CACNA2D3: variants seen among roughly 807,000 people sequenced by gnomAD.
The protein encoded by CACNA2D3 is calcium voltage-gated channel auxiliary subunit alpha2delta 3, also known as voltage-dependent calcium channel subunit alpha-2/delta-3.
Under a neutral mutation model 160.6 loss-of-function variants are expected in CACNA2D3, and 60 were observed. The ratio of observed to expected loss-of-function variants is 0.37; its 90% CI spans 0.30 to 0.46. The LOEUF (loss-of-function observed/expected upper bound fraction) is 0.46, where lower values mean the gene tolerates loss of function less well. Among genes scored for constraint, CACNA2D3 ranks in the 20% least tolerant of loss-of-function variants. CACNA2D3 has a pLI of 1.00. For synonymous variants in CACNA2D3, 558 were observed against 492.9 expected (o/e 1.13, Z -1.75); for missense variants, 1,205 against 1,365.0 (o/e 0.88, Z 1.85).
At chr3:54,872,914 G>A (rs367945034) in intron 18 of CACNA2D3, among the ~76,000 whole-genome samples, 9 of 151,978 alleles carry the variant, frequency 5.9e-5, no homozygotes, top group African/African-American at 1.4e-4. Flanking sequence ...ACAAGGATCC[G>A]GTCAGTTCTT....
In CACNA2D3 at chr3:54,956,500, C is replaced by T. The variant is rs554629543; in HGVS notation, c.2450-11950C>T. 3.0e-3 allele frequency among the ~76,000 whole-genome samples: 463 copies of T among 152,284 alleles called. 3 individuals carry two copies. Among genetic ancestry groups the T allele is most frequent in the African/African-American group, 0.01 (434 of 41,556 alleles). On this transcript the variant is annotated intron_variant, in intron 27 of 37. Coordinates refer to ENST00000474759, the MANE Select transcript of CACNA2D3 (RefSeq NM_018398.3). ...ACTTGCATGGGCCACATGGTCTTAA[C>T]GTTCTCAGTCTTTTCAAACTCGTTA...
At chr3:54,400,255 G>A (rs552772972) in intron 4 of CACNA2D3, among the ~76,000 whole-genome samples, 26 of 151,170 alleles carry the variant, frequency 1.7e-4, no homozygotes, top group African/African-American at 5.8e-4. Context: ...GAAATCACCC[G>A]TCTTCTGTGT....
chr3:55,017,810 C>T (rs17707679), intron 34 of CACNA2D3, among the ~76,000 whole-genome samples: 17,477 of 152,186 alleles, frequency 0.11, 1,151 homozygotes, highest in African/African-American at 0.17. Context: ...TATAATAAAA[C>T]CATGCAATTG....
intron 5 of CACNA2D3, among the ~76,000 whole-genome samples, chr3:54,530,074 C>G (rs1316543867): frequency 6.6e-6 from 1 of 152,168 alleles, no homozygotes; most frequent in Non-Finnish European, 1.5e-5. Flanking sequence ...GTGCCCAGGT[C>G]AAAGTCGTGG....
At chr3:54,480,883 A>C (rs887743372) in intron 4 of CACNA2D3, among the ~76,000 whole-genome samples, 4 of 152,200 alleles carry the variant, frequency 2.6e-5, no homozygotes, top group African/African-American at 9.6e-5. Context: ...GAGGTCTAGA[A>C]AGTTGAAGAT....
chr3:54,184,829 A>G (rs1187003454), intron 2 of CACNA2D3, among the ~76,000 whole-genome samples: 1 of 152,228 alleles, frequency 6.6e-6, no homozygotes, highest in Non-Finnish European at 1.5e-5. Context: ...TGGAGCAAAC[A>G]ATGGAATGTT....
intron 11 of CACNA2D3, among the ~76,000 whole-genome samples, chr3:54,734,320 G>A (rs1441420096): frequency 6.6e-6 from 1 of 152,192 alleles, no homozygotes; most frequent in Non-Finnish European, 1.5e-5. Flanking sequence ...ATGCATATCA[G>A]AAAGAAATTC....
At chr3:54,126,791 G>C (rs1699602026) in intron 2 of CACNA2D3, among the ~76,000 whole-genome samples, 1 of 152,122 alleles carries the variant, frequency 6.6e-6, no homozygotes, top group Non-Finnish European at 1.5e-5. Context: ...TTGCTAAGCT[G>C]GCAGATACTG....
chr3:55,004,881 G>C, intron 32 of CACNA2D3, 43 bp downstream of exon 32: 2 of 1,350,640 alleles, frequency 1.5e-6, no homozygotes, highest in Non-Finnish European at 2.1e-6. Flanking sequence ...ACACATTTCT[G>C]TCTTTCTCCC....
intron 3 of CACNA2D3, among the ~76,000 whole-genome samples, chr3:54,373,229 C>A (rs1419061333): frequency 6.6e-6 from 1 of 152,106 alleles, no homozygotes; most frequent in Non-Finnish European, 1.5e-5. Flanking sequence ...AGAGTCAGGG[C>A]AATAGTCTTA....
chr3:54,649,390 A>G (rs1013746984), intron 11 of CACNA2D3, among the ~76,000 whole-genome samples: 2 of 152,238 alleles, frequency 1.3e-5, no homozygotes, highest in African/African-American at 4.8e-5. Flanking sequence ...ACAGGGAACA[A>G]ACACCCTGGA....
intron 4 of CACNA2D3, among the ~76,000 whole-genome samples, chr3:54,497,990 T>G (rs955568584): frequency 2.6e-5 from 4 of 151,804 alleles, no homozygotes; most frequent in African/African-American, 9.7e-5. Flanking sequence ...GGATTTGATT[T>G]AAAATTTTGT....
intron 13 of CACNA2D3, among the ~76,000 whole-genome samples, chr3:54,780,910 A>G (rs970928889): frequency 6.6e-6 from 1 of 152,236 alleles, no homozygotes; most frequent in Non-Finnish European, 1.5e-5. Flanking sequence ...ATGTAAAAGC[A>G]TGAAATTCTC....
intron 4 of CACNA2D3, among the ~76,000 whole-genome samples, chr3:54,414,347 C>G (rs1032683874): frequency 1.3e-5 from 2 of 151,944 alleles, no homozygotes; most frequent in Non-Finnish European, 2.9e-5. Flanking sequence ...GTATTAGTAC[C>G]ATCCCTTTCT....
At chr3:54,333,254 C>T (rs1704304776) in intron 3 of CACNA2D3, among the ~76,000 whole-genome samples, 1 of 152,056 alleles carries the variant, frequency 6.6e-6, no homozygotes, top group Non-Finnish European at 1.5e-5. Context: ...TACTCTGCTC[C>T]CCAATTTTCT....
At chr3:54,456,334 G>T (rs926696085) in intron 4 of CACNA2D3, among the ~76,000 whole-genome samples, 2 of 151,826 alleles carry the variant, frequency 1.3e-5, no homozygotes. Context: ...AAATAGGATT[G>T]CTTTCTTGAT....
chr3:54,980,270 G>A (rs984431298), intron 29 of CACNA2D3, among the ~76,000 whole-genome samples: 1 of 152,274 alleles, frequency 6.6e-6, no homozygotes, highest in East Asian at 1.9e-4. Context: ...TTGTGAAAGA[G>A]CAGATCAGTG....
At chr3:54,484,108 GA>G (rs1700976407) in intron 4 of CACNA2D3, among the ~76,000 whole-genome samples, 2 of 152,268 alleles carry the variant, frequency 1.3e-5, no homozygotes, top group African/African-American at 4.8e-5. Flanking sequence ...AAGACCTCAA[GA>G]AACCCTAAGC....
chr3:55,005,353 T>A (rs141250273), intron 32 of CACNA2D3, among the ~76,000 whole-genome samples: 6 of 152,282 alleles, frequency 3.9e-5, no homozygotes, highest in African/African-American at 1.4e-4. Flanking sequence ...AGTAATTATA[T>A]GAATGAGAAA....
Sources: allele counts gnomAD v4.1 joint callset (sites outside exome capture counted in the v4.1 genomes callset), GRCh38; gene constraint gnomAD v4.1.1; transcripts MANE v1.5; gene names NCBI Gene and HGNC (gene_info 2026-07-23, HGNC 2026-07-21).